Variants in RWDD2B observed in about 807,000 individuals in gnomAD.
RWDD2B encodes RWD domain-containing protein 2B.
In RWDD2B, 36 loss-of-function variants were observed where a neutral mutation model predicts 33.6. The ratio of observed to expected loss-of-function variants is 1.07; its 90% CI spans 0.82 to 1.42. The LOEUF is 1.42. RWDD2B is among the 40% of genes most tolerant of loss of function. The pLI, the probability that RWDD2B is intolerant of heterozygous loss-of-function variation, is 0.00. For synonymous variants in RWDD2B, 126 were observed against 133.1 expected (o/e 0.95, Z 0.37); for missense variants, 364 against 377.5 (o/e 0.96, Z 0.30).
rs61735557 is a variant in RWDD2B, at chr21:29,007,808, A to G, written c.678T>C (p.Val226=). 2,297 of 1,614,214 alleles carry G rather than the reference A, an allele frequency of 1.4e-3. 26 individuals carry two copies. The African/African-American group carries it at 0.026, about 18-fold the overall frequency. ...SGFSMPGKPG[V]VCVEGPQSAC... ...CACTTTGTGGGCCTTCCACACAAAC[A>G]ACACCAGGTTTTCCAGGCATGCTAA... The change falls in exon 4 of 5, where the codon GTT becomes GTC. Residue 226 remains valine (V), a synonymous_variant. Coordinates refer to ENST00000493196, the MANE Select transcript of RWDD2B (RefSeq NM_016940.3).
At chr21:29,016,829 ATC>A (rs1360951675) in intron 1 of RWDD2B, among the ~76,000 whole-genome samples, 2 of 152,082 alleles carry the variant, frequency 1.3e-5, no homozygotes, top group East Asian at 3.8e-4. Flanking sequence ...GGCTTAATTT[ATC>A]TGTGCTTTAG....
intron 1 of RWDD2B, among the ~76,000 whole-genome samples, chr21:29,015,361 G>C (rs1292021319): frequency 6.7e-6 from 1 of 149,648 alleles, no homozygotes; most frequent in East Asian, 2.0e-4. Context: ...CTCCTGCGTA[G>C]CTGGGATTAC....
chr21:29,008,637 TA>T lies in RWDD2B; in HGVS notation c.68-17del. The T allele has an allele frequency of 6.4e-7, 1 of 1,553,866 alleles. No homozygotes were observed. The highest frequency in any genetic ancestry group is 8.8e-7 in the Non-Finnish European group (1 of 1,133,058). On this transcript the variant is annotated splice_polypyrimidine_tract_variant and intron_variant, in intron 1 of 4. Transcript: ENST00000493196. ...GTGTAAGTTTCTAAGGAGGTAAAGA[TA>T]AGAGAGACAATTTACATATGCAATC...
In RWDD2B at chr21:29,006,542, C is replaced by G; in HGVS notation, c.835G>C (p.Glu279Gln). ...GCTCCATTAACACTGAACACTTTTT[C>G]TTCAAAAATGGAAAATTTCCTTTGT... ...ERQRKFSIFEEKVFSVNGARG... is the reference protein window; with the variant it reads ...ERQRKFSIFEQKVFSVNGARG... Residue 279 changes from glutamate to glutamine, a missense_variant, in exon 5 of 5, where the codon GAA (glutamate) becomes CAA (glutamine). Coordinates refer to ENST00000493196, the MANE Select transcript of RWDD2B (RefSeq NM_016940.3). 1 of 1,613,890 alleles carries G rather than the reference C, an allele frequency of 6.2e-7. No individual in the cohort carries two copies. Among genetic ancestry groups the G allele is most frequent in the Non-Finnish European group, 8.5e-7 (1 of 1,179,870 alleles).
intron 1 of RWDD2B, among the ~76,000 whole-genome samples, chr21:29,011,626 C>T (rs1189675546): frequency 7.2e-6 from 1 of 138,534 alleles, no homozygotes. Context: ...CCGCCCCGTC[C>T]GGGAGGGAGG....
At position 29,019,325 on chromosome 21, in the gene RWDD2B, A is replaced by G. The variant is rs2084905062; in HGVS notation, c.-48T>C. 2 of 1,407,920 alleles carry G rather than the reference A, an allele frequency of 1.4e-6. No homozygotes were observed. Among genetic ancestry groups the G allele is most frequent in the African/African-American group, 2.9e-5 (2 of 67,930 alleles). The allele number at this position is 1,407,920 out of a possible 1,614,324, so 87.2% of individuals were successfully genotyped here. On this transcript the variant is annotated 5_prime_UTR_variant, in exon 1 of 5. Transcript: ENST00000493196. The stretch of plus-strand genomic sequence containing the variant: ...AGCATACTGCGACCCAAAACTTACA[A>G]ACCGCCTCAGCTGGCGACCTACCGG...
chr21:29,015,551 T>G (rs2084886332), intron 1 of RWDD2B, among the ~76,000 whole-genome samples: 1 of 143,740 alleles, frequency 7.0e-6, no homozygotes, highest in African/African-American at 2.6e-5. Context: ...TTTTTTGAGA[T>G]GGAGTTTTGC....
In RWDD2B at chr21:29,014,940, G is replaced by C. The variant is rs1292640721; in HGVS notation, c.67+4271C>G. 2.0e-5 allele frequency among the ~76,000 whole-genome samples: 3 copies of C among 151,800 alleles called. No homozygotes were observed. In the East Asian group the frequency reaches 5.8e-4, roughly 29 times the overall value. On this transcript the variant is annotated intron_variant, in intron 1 of 4. Transcript: ENST00000493196. ...AGAACCTATTTTAACCATTCTTTTA[G>C]GATAGGTCTGCTGGTGACAAATCTC... is the stretch of plus-strand genomic sequence containing the variant.
intron 1 of RWDD2B, among the ~76,000 whole-genome samples, chr21:29,011,749 C>G (rs2084862242): frequency 7.9e-6 from 1 of 126,270 alleles, no homozygotes; most frequent in African/African-American, 3.0e-5. Context: ...CCAGCCGCCC[C>G]GTCCGGGAGG....
intron 4 of RWDD2B, 95 bp downstream of exon 4, chr21:29,007,666 A>C: frequency 7.3e-7 from 1 of 1,363,894 alleles, no homozygotes; most frequent in Non-Finnish European, 1.0e-6. Flanking sequence ...TGTGTTGTCC[A>C]CTGTTGACCA....
intron 1 of RWDD2B, among the ~76,000 whole-genome samples, chr21:29,014,466 C>T (rs2084879903): frequency 1.3e-5 from 2 of 152,202 alleles, no homozygotes; most frequent in Admixed American, 1.3e-4. Context: ...GCTTCTAACA[C>T]ATGAACTTTG....
At position 29,014,488 on chromosome 21, in the gene RWDD2B, AAACCACAGC is replaced by A. The variant is rs2084880010; in HGVS notation, c.67+4714_67+4722del. On this transcript the variant is annotated intron_variant, in intron 1 of 4. Coordinates refer to ENST00000493196, the MANE Select transcript of RWDD2B (RefSeq NM_016940.3). Reference sequence around the variant, plus strand: ...ACACATGAACTTTGGGGCACACATTAAACCACAGCAGAGACCATCTCAGTCTTAACAGTC... The same window carrying A: ...ACACATGAACTTTGGGGCACACATTAAGAGACCATCTCAGTCTTAACAGTC... 5.3e-5 allele frequency among the ~76,000 whole-genome samples: 8 copies of A among 152,354 alleles called. No homozygotes were observed. The South Asian group carries it at 1.7e-3, about 32-fold the overall frequency.
chr21:29,008,371 C>T, intron 2 of RWDD2B, 24 bp downstream of exon 2: 2 of 1,612,278 alleles, frequency 1.2e-6, no homozygotes, highest in South Asian at 1.1e-5. Context: ...TGTTTCAATC[C>T]CTCTAAAAGC....
chr21:29,007,396 T>A (rs550225720), intron 4 of RWDD2B, among the ~76,000 whole-genome samples: 1 of 152,364 alleles, frequency 6.6e-6, no homozygotes, highest in South Asian at 2.1e-4. Flanking sequence ...ACATCTCTAA[T>A]AGTCATGTGT....
Position 29,011,334 on chromosome 21 carries a change from G to A in RWDD2B, c.68-2713C>T, listed in dbSNP as rs1180751730. ...TCTGCCCTGCCGCCCCGTCCGGGAT[G>A]CGAGGAGCGTCTCTGCCCGGCCACC... On this transcript the variant is annotated intron_variant, in intron 1 of 4. Transcript: ENST00000493196. Among the ~76,000 whole-genome samples the A allele has an allele frequency of 5.3e-5, 8 of 149,848 alleles. 1 individual carries two copies. The East Asian group carries it at 1.4e-3, about 26-fold the overall frequency.
intron 1 of RWDD2B, among the ~76,000 whole-genome samples, chr21:29,014,975 CT>C (rs564518627): frequency 1.1e-3 from 166 of 151,854 alleles, no homozygotes; most frequent in South Asian, 2.1e-3. Context: ...CCTAGATTTC[CT>C]TCATCTTAGA....
At position 29,006,487 on chromosome 21, in the gene RWDD2B, A is replaced by T; in HGVS notation, c.890T>A (p.Leu297His). 1 of 1,614,128 alleles carries T rather than the reference A, an allele frequency of 6.2e-7. No individual in the cohort carries two copies. The highest frequency in any genetic ancestry group is 1.1e-5 in the South Asian group (1 of 91,088). ...ARGNHMDFGQ[L>H]YQFLNTKGCG... ...TCCTTTGGTGTTTAAGAACTGATAG[A>T]GCTGACCAAAGTCCATGTGGTTTCC... The change falls in exon 5 of 5, where the codon CTC (leucine) becomes CAC (histidine). Residue 297 changes from leucine (L) to histidine (H), a missense_variant. Transcript: ENST00000493196.
In RWDD2B at chr21:29,007,774, C is replaced by G; in HGVS notation, c.712G>C (p.Glu238Gln). ...CVEGPQSACEEFWSRLRKLNW... is the reference protein window; with the variant it reads ...CVEGPQSACEQFWSRLRKLNW... ...GTAAAAGCAAACCTTGACCAGAATT[C>G]TTCACAGGCACTTTGTGGGCCTTCC... The change falls in exon 4 of 5, where the codon GAA becomes CAA. Residue 238 changes from glutamate (E) to glutamine (Q), a missense_variant. By Grantham distance (29) the Glu-to-Gln change is conservative. Coordinates refer to ENST00000493196, the MANE Select transcript of RWDD2B (RefSeq NM_016940.3). The G allele has an allele frequency of 1.2e-6, 2 of 1,613,236 alleles. No homozygotes were observed. Among genetic ancestry groups the G allele is most frequent in the Non-Finnish European group, 1.7e-6 (2 of 1,179,668 alleles).
intron 1 of RWDD2B, among the ~76,000 whole-genome samples, chr21:29,010,649 C>T (rs1481122487): frequency 1.3e-5 from 2 of 148,284 alleles, no homozygotes; most frequent in African/African-American, 2.5e-5. Context: ...AAAACCCTCT[C>T]CCTCTCCCTC....
Sources: gnomAD v4.1 joint callset for allele counts (sites outside exome capture counted in the v4.1 genomes callset) on GRCh38, gnomAD v4.1.1 for gene constraint, MANE v1.5 for transcripts, NCBI Gene and HGNC (gene_info 2026-07-23, HGNC 2026-07-21) for gene names.